The following FMN1 variants were observed in gnomAD, a reference collection of about 807,000 sequenced individuals.
The protein encoded by FMN1 is formin-1.
In FMN1, 110 loss-of-function variants were observed where a neutral mutation model predicts 132.4. The ratio of observed to expected loss-of-function variants is 0.83; its 90% CI spans 0.71 to 0.97. FMN1 has a LOEUF of 0.97. FMN1 is among the 50% of genes least tolerant of loss of function. FMN1 has a pLI of 0.00. For missense variants in FMN1, 1,792 were observed against 1,705.3 expected (o/e 1.05, Z -0.90); for synonymous variants, 722 against 651.7 (o/e 1.11, Z -1.64).
chr15:32,797,908 T>C (rs1595936620), intron 19 of FMN1, among the ~76,000 whole-genome samples: 1 of 152,278 alleles, frequency 6.6e-6, no homozygotes, highest in Admixed American at 6.5e-5. Flanking sequence ...AATACTGAAT[T>C]ATGGAATGTC....
At chr15:33,127,735 G>C (rs746298761) in intron 4 of FMN1, among the ~76,000 whole-genome samples, 13 of 152,298 alleles carry the variant, frequency 8.5e-5, no homozygotes, top group Non-Finnish European at 1.9e-4. Flanking sequence ...AGGTTATATT[G>C]TAATGATAGG....
chr15:33,025,344 C>G (rs2035616745), intron 6 of FMN1, among the ~76,000 whole-genome samples: 1 of 151,666 alleles, frequency 6.6e-6, no homozygotes. Flanking sequence ...TTATATATAC[C>G]CCAGAACCAA....
intron 5 of FMN1, among the ~76,000 whole-genome samples, chr15:33,083,136 T>G (rs2038551581): frequency 6.6e-6 from 1 of 152,240 alleles, no homozygotes; most frequent in Admixed American, 6.5e-5. Context: ...AAATACACTG[T>G]ATATTTCGTC....
chr15:33,073,999 G>A (rs1251949084), intron 5 of FMN1, among the ~76,000 whole-genome samples: 1 of 152,156 alleles, frequency 6.6e-6, no homozygotes, highest in Non-Finnish European at 1.5e-5. Context: ...CCAGTGTACT[G>A]GGGCTACAGG....
Position 32,950,054 on chromosome 15 carries a change from C to CACATATATATATATATAT in FMN1, c.3138+14052_3138+14053insATATATATATATATATGT, listed in dbSNP as rs1251606636. On this transcript the variant is annotated intron_variant, in intron 9 of 20. Transcript: ENST00000616417. Reference sequence around the variant, plus strand: ...ATATACACATATATATATATATACACATATATATATATATATATATATATA... The same window carrying CACATATATATATATATAT: ...ATATACACATATATATATATATACACACATATATATATATATATATATATATATATATATATATATATA... Among the ~76,000 whole-genome samples the CACATATATATATATATAT allele has an allele frequency of 8.1e-4, 4 of 4,916 alleles. 2 individuals are homozygous for CACATATATATATATATAT. Among genetic ancestry groups the CACATATATATATATATAT allele is most frequent in the Non-Finnish European group, 2.1e-3 (4 of 1,878 alleles). 3.2% of individuals were successfully genotyped at this position (4,916 alleles called of 152,430 possible).
At chr15:32,823,407 G>A (rs1258772) in intron 17 of FMN1, among the ~76,000 whole-genome samples, 27,092 of 151,834 alleles carry the variant, frequency 0.18, 3,115 homozygotes, top group Non-Finnish European at 0.25. Flanking sequence ...CTCGTGATCC[G>A]CCCACCTTGG....
rs1336101214 is a variant in FMN1 at position 33,193,851 on chromosome 15, G to C, written c.-197+58C>G. 3 of 152,198 alleles carry C rather than the reference G, an allele frequency of 2.0e-5. No individual in the cohort carries two copies. The East Asian group carries it at 5.8e-4, about 29-fold the overall frequency. 9.4% of individuals were successfully genotyped at this position (152,198 alleles called of 1,614,324 possible). The stretch of plus-strand genomic sequence containing the variant: ...GCTTGGCTCTGGCCTCAGGGGGCAA[G>C]AGCACTGTTCGTTATTTGGTGGTGG... On this transcript the variant is annotated intron_variant, in intron 2 of 20. Coordinates refer to ENST00000616417, the MANE Select transcript of FMN1 (RefSeq NM_001277313.2).
chr15:32,990,735 A>G (rs898794426), intron 7 of FMN1, among the ~76,000 whole-genome samples: 2 of 152,186 alleles, frequency 1.3e-5, no homozygotes, highest in Non-Finnish European at 2.9e-5. Flanking sequence ...ACAGTTACAC[A>G]TGCCTGTGGA....
chr15:33,144,696 C>T (rs1175310424), intron 4 of FMN1, among the ~76,000 whole-genome samples: 1 of 148,276 alleles, frequency 6.7e-6, no homozygotes, highest in Non-Finnish European at 1.5e-5. Context: ...AATAAAATAT[C>T]GATAAAGATG....
At chr15:32,885,667 G>A (rs1192362172) in intron 16 of FMN1, among the ~76,000 whole-genome samples, 1 of 152,132 alleles carries the variant, frequency 6.6e-6, no homozygotes, top group Non-Finnish European at 1.5e-5. Context: ...TCCATGCTAC[G>A]TTTACCTGCA....
At chr15:33,145,572 C>T (rs1964183733) in intron 4 of FMN1, among the ~76,000 whole-genome samples, 1 of 151,632 alleles carries the variant, frequency 6.6e-6, no homozygotes, top group African/African-American at 2.4e-5. Context: ...GGAGAACATA[C>T]GTCATGCTAT....
intron 9 of FMN1, among the ~76,000 whole-genome samples, chr15:32,930,713 C>A (rs1053347777): frequency 6.6e-6 from 1 of 150,412 alleles, no homozygotes; most frequent in Non-Finnish European, 1.5e-5. Context: ...GTTATTTTTG[C>A]TTTTTTTGGG....
chr15:32,856,939 TG>T, intron 17 of FMN1, 75 bp downstream of exon 17: 1 of 1,058,342 alleles, frequency 9.4e-7, no homozygotes, highest in South Asian at 1.3e-5. Context: ...CCAGGGGCCG[TG>T]GGCCTCAGAG....
intron 7 of FMN1, among the ~76,000 whole-genome samples, chr15:32,984,494 C>G (rs969990442): frequency 9.9e-5 from 15 of 152,050 alleles, no homozygotes; most frequent in African/African-American, 3.1e-4. Context: ...CACCTTGCTT[C>G]TTGATATATT....
rs540302303 is a variant in FMN1 at position 33,094,205 on chromosome 15, CCT to C, written c.1868-5233_1868-5232del. On this transcript the variant is annotated intron_variant, in intron 4 of 20. Coordinates refer to ENST00000616417, the MANE Select transcript of FMN1 (RefSeq NM_001277313.2). ...GACCTTGGTGAAGTTACCAAAACTC[CCT>C]GAGTCTTTTTCCCTCATCAATAAAA... 5.8e-3 allele frequency among the ~76,000 whole-genome samples: 876 copies of C among 152,200 alleles called. 10 individuals carry two copies. The highest frequency in any genetic ancestry group is 0.02 in the African/African-American group (836 of 41,528).
At chr15:33,112,537 C>A (rs1273303010) in intron 4 of FMN1, among the ~76,000 whole-genome samples, 1 of 152,120 alleles carries the variant, frequency 6.6e-6, no homozygotes, top group Non-Finnish European at 1.5e-5. Flanking sequence ...TCGGTACCTG[C>A]AGCAAAGAAT....
At chr15:33,188,784 T>C (rs911688874) in intron 2 of FMN1, among the ~76,000 whole-genome samples, 1 of 151,988 alleles carries the variant, frequency 6.6e-6, no homozygotes, top group African/African-American at 2.4e-5. Context: ...TAAAGAGAAG[T>C]TGAGTGATGT....
intron 4 of FMN1, among the ~76,000 whole-genome samples, chr15:33,137,773 C>A (rs560602824): frequency 6.6e-6 from 1 of 152,256 alleles, no homozygotes; most frequent in East Asian, 1.9e-4. Context: ...TCTTAAAGAA[C>A]CCACCACCAT....
At chr15:33,098,457 C>T (rs959320567) in intron 4 of FMN1, among the ~76,000 whole-genome samples, 2 of 152,196 alleles carry the variant, frequency 1.3e-5, no homozygotes. Context: ...CACACTACAA[C>T]ATTATTCTGA....
Sources: allele counts gnomAD v4.1 joint callset (sites outside exome capture counted in the v4.1 genomes callset), GRCh38; gene constraint gnomAD v4.1.1; transcripts MANE v1.5; gene names NCBI Gene and HGNC (gene_info 2026-07-23, HGNC 2026-07-21).